Variants in ERP44 observed in about 807,000 individuals in gnomAD.
ERP44 encodes the protein endoplasmic reticulum resident protein 44.
ERP44 carries 25 observed loss-of-function variants against 53.4 expected under a neutral mutation model. That is an observed-to-expected ratio of 0.47 (90% CI 0.34 to 0.65). The LOEUF is 0.65. Among genes scored for constraint, ERP44 ranks in the 30% least tolerant of loss-of-function variants. ERP44 has a pLI of 0.01. For synonymous variants in ERP44, 145 were observed against 161.2 expected, an observed-to-expected ratio of 0.90 and a Z score of 0.76; for missense variants, 338 against 493.2, an observed-to-expected ratio of 0.69 and a Z score of 2.98.
At chr9:100,068,458 C>CA (rs1826256417) in intron 1 of ERP44, among the ~76,000 whole-genome samples, 1 of 134,412 alleles carries the variant, frequency 7.4e-6, no homozygotes, top group Non-Finnish European at 1.6e-5. Context: ...TCTGCCCGGC[C>CA]GCCCCTACTG....
chr9:99,983,091 G>A (rs146473537), intron 11 of ERP44, among the ~76,000 whole-genome samples: 28 of 152,208 alleles, frequency 1.8e-4, no homozygotes, highest in African/African-American at 6.5e-4. Context: ...AGAATTAATG[G>A]CATCCACTCT....
At chr9:100,048,103 C>A (rs563629959) in intron 4 of ERP44, among the ~76,000 whole-genome samples, 1 of 152,050 alleles carries the variant, frequency 6.6e-6, no homozygotes, top group Non-Finnish European at 1.5e-5. Flanking sequence ...ATAGAGCCCA[C>A]AGAGTCACAC....
intron 10 of ERP44, among the ~76,000 whole-genome samples, chr9:99,997,842 A>G (rs184174485): frequency 1.3e-5 from 2 of 152,228 alleles, no homozygotes; most frequent in East Asian, 1.9e-4. Flanking sequence ...AGGTTGTAAC[A>G]AACAAGAACT....
chr9:100,027,592 G>A (rs1830666391), intron 4 of ERP44, among the ~76,000 whole-genome samples: 1 of 152,128 alleles, frequency 6.6e-6, no homozygotes, highest in African/African-American at 2.4e-5. Context: ...GGATGTCAGA[G>A]GAATTATAAA....
At chr9:100,092,544 A>G (rs1458410277) in intron 1 of ERP44, among the ~76,000 whole-genome samples, 3 of 152,266 alleles carry the variant, frequency 2.0e-5, no homozygotes, top group Non-Finnish European at 4.4e-5. Flanking sequence ...ATGCCATGAC[A>G]TCTACTTTTG....
At chr9:100,011,845 A>G (rs1830479954) in intron 8 of ERP44, among the ~76,000 whole-genome samples, 1 of 152,212 alleles carries the variant, frequency 6.6e-6, no homozygotes, top group African/African-American at 2.4e-5. Flanking sequence ...GCTGTCATAT[A>G]GAAATAAAGG....
chr9:99,983,890 A>G (rs1391307296), intron 11 of ERP44, among the ~76,000 whole-genome samples: 1 of 152,238 alleles, frequency 6.6e-6, no homozygotes, highest in African/African-American at 2.4e-5. Flanking sequence ...CTGTTAGTAC[A>G]CAAAGATGAA....
intron 4 of ERP44, among the ~76,000 whole-genome samples, chr9:100,025,122 A>G (rs1830639290): frequency 6.6e-6 from 1 of 152,202 alleles, no homozygotes; most frequent in Non-Finnish European, 1.5e-5. Context: ...ATTATTAAAG[A>G]ACCCAAATCT....
At chr9:100,081,974 AT>A in intron 1 of ERP44, among the ~76,000 whole-genome samples, 1 of 152,166 alleles carries the variant, frequency 6.6e-6, no homozygotes, top group Non-Finnish European at 1.5e-5. Context: ...AGAGTATAAG[AT>A]TAATATACAA....
chr9:100,052,142 C>G (rs1277465729), intron 4 of ERP44, among the ~76,000 whole-genome samples: 1 of 151,668 alleles, frequency 6.6e-6, no homozygotes, highest in Admixed American at 6.6e-5. Context: ...AGTTTTGTTC[C>G]CTACGCTTGA....
At chr9:100,053,669 T>C (rs1360807714) in intron 3 of ERP44, among the ~76,000 whole-genome samples, 3 of 152,222 alleles carry the variant, frequency 2.0e-5, no homozygotes, top group African/African-American at 7.2e-5. Flanking sequence ...AAATACGGTA[T>C]TATATATGGG....
chr9:100,093,646 G>T (rs912497108), intron 1 of ERP44, among the ~76,000 whole-genome samples: 2 of 151,694 alleles, frequency 1.3e-5, no homozygotes, highest in East Asian at 1.9e-4. Flanking sequence ...CTGTCTGTGG[G>T]GGGGGAAAAA....
Position 99,979,845 on chromosome 9 carries a change from T to C in ERP44, c.*2767A>G. ...TTTGAGACGTGCTTCCACACTATTC[T>C]TTCTCAAACTTTAAAGTGAACATAC... On this transcript the variant is annotated 3_prime_UTR_variant, in exon 12 of 12. Transcript: ENST00000262455. The C allele has an allele frequency of 2.5e-6, 1 of 397,510 alleles. No individual in the cohort carries two copies. The highest frequency in any genetic ancestry group is 4.4e-6 in the Non-Finnish European group (1 of 225,592). The allele number at this position is 397,510 out of a possible 1,614,324, so 24.6% of individuals were successfully genotyped here. A position where few individuals can be genotyped will look rare whatever the true frequency, so the allele number is the denominator to read the frequency against.
In ERP44 at chr9:100,071,093, G is replaced by GTTTTTT. The variant is rs34853838; in HGVS notation, c.58-10927_58-10922dup. Reference sequence around the variant, plus strand: ...TGTAGTATCTCCTAAATTATATAAGGTTTTTTTTTTTTTTTTTTTGAGACA... The same window carrying GTTTTTT: ...TGTAGTATCTCCTAAATTATATAAGGTTTTTTTTTTTTTTTTTTTTTTTTTGAGACA... On this transcript the variant is annotated intron_variant, in intron 1 of 11. Coordinates refer to ENST00000262455, the MANE Select transcript of ERP44 (RefSeq NM_015051.3). Among the ~76,000 whole-genome samples the GTTTTTT allele has an allele frequency of 2.0e-4, 24 of 119,558 alleles. 1 individual carries two copies. Among genetic ancestry groups the GTTTTTT allele is most frequent in the Non-Finnish European group, 3.0e-4 (18 of 60,648 alleles). 78.4% of individuals were successfully genotyped at this position (119,558 alleles called of 152,430 possible).
At chr9:100,074,924 T>C (rs1211381622) in intron 1 of ERP44, among the ~76,000 whole-genome samples, 1 of 152,182 alleles carries the variant, frequency 6.6e-6, no homozygotes, top group Non-Finnish European at 1.5e-5. Context: ...GAATGCCTAA[T>C]TGGCAGAGAC....
intron 8 of ERP44, among the ~76,000 whole-genome samples, chr9:100,015,546 G>T (rs1830518199): frequency 6.6e-6 from 1 of 152,162 alleles, no homozygotes; most frequent in African/African-American, 2.4e-5. Flanking sequence ...ACCTATCACT[G>T]CTACCTGCTT....
intron 1 of ERP44, among the ~76,000 whole-genome samples, chr9:100,072,523 C>T (rs1826317009): frequency 6.6e-6 from 1 of 152,098 alleles, no homozygotes. Flanking sequence ...TTCTCTAACT[C>T]TCTCTTTTCT....
intron 10 of ERP44, among the ~76,000 whole-genome samples, chr9:99,997,460 C>A (rs1007080799): frequency 6.6e-6 from 1 of 151,994 alleles, no homozygotes; most frequent in Non-Finnish European, 1.5e-5. Flanking sequence ...GCCAAAAATA[C>A]ATTAACATTT....
intron 4 of ERP44, among the ~76,000 whole-genome samples, chr9:100,027,439 C>CA (rs1564092912): frequency 1.3e-5 from 2 of 148,564 alleles, no homozygotes; most frequent in African/African-American, 2.5e-5. Context: ...AGACATAATG[C>CA]TTTTTTTTTT....
Sources: gnomAD v4.1 joint callset for allele counts (sites outside exome capture counted in the v4.1 genomes callset) on GRCh38, gnomAD v4.1.1 for gene constraint, MANE v1.5 for transcripts, NCBI Gene and HGNC (gene_info 2026-07-23, HGNC 2026-07-21) for gene names.